Variants in CNST observed in about 807,000 individuals in gnomAD.
CNST encodes consortin, connexin sorting protein.
Under a neutral mutation model 72.4 loss-of-function variants are expected in CNST, and 39 were observed. That is an observed-to-expected ratio of 0.54 (90% confidence interval 0.42 to 0.70). The LOEUF is 0.70. Among genes scored for constraint, CNST ranks in the 30% least tolerant of loss-of-function variants. The probability of loss-of-function intolerance (pLI) is 0.00; values close to 1 mark genes in which losing one functional copy is unlikely to be tolerated. For missense variants in CNST, 871 were observed against 868.5 expected (o/e 1.00, Z -0.04); for synonymous variants, 332 against 320.1 (o/e 1.04, Z -0.40).
chr1:246,599,590 T>C (rs1308351827), intron 2 of CNST, among the ~76,000 whole-genome samples: 1 of 152,200 alleles, frequency 6.6e-6, no homozygotes, highest in African/African-American at 2.4e-5. Flanking sequence ...TCCACCCATA[T>C]ATTGCAGGAT....
At chr1:246,630,578 A>G (rs7518651) in intron 3 of CNST, among the ~76,000 whole-genome samples, 72,607 of 152,030 alleles carry the variant, frequency 0.48, 19,140 homozygotes, top group African/African-American at 0.69. Flanking sequence ...GTTTCCCCTG[A>G]GGGATTTGGG....
intron 6 of CNST, among the ~76,000 whole-genome samples, chr1:246,639,547 C>T (rs901659720): frequency 4.6e-5 from 7 of 151,954 alleles, no homozygotes; most frequent in African/African-American, 1.7e-4. Flanking sequence ...AGGGGAGACC[C>T]GATACCCCCA....
intron 2 of CNST, among the ~76,000 whole-genome samples, chr1:246,608,399 T>A (rs1322562414): frequency 6.6e-6 from 1 of 152,236 alleles, no homozygotes; most frequent in African/African-American, 2.4e-5. Context: ...CTTGGGCAAA[T>A]GTCTTACACA....
At chr1:246,633,190 C>T (rs1279632275) in intron 4 of CNST, among the ~76,000 whole-genome samples, 1 of 152,184 alleles carries the variant, frequency 6.6e-6, no homozygotes, top group African/African-American at 2.4e-5. Flanking sequence ...TGGCTCACAC[C>T]TGTAATCCCA....
At chr1:246,633,024 C>G (rs1284817668) in intron 4 of CNST, among the ~76,000 whole-genome samples, 1 of 152,218 alleles carries the variant, frequency 6.6e-6, no homozygotes, top group African/African-American at 2.4e-5. Flanking sequence ...CCTTAAATTA[C>G]TTTTAGTTGA....
intron 1 of CNST, among the ~76,000 whole-genome samples, chr1:246,570,975 T>G (rs1005930231): frequency 2.0e-5 from 3 of 152,234 alleles, no homozygotes; most frequent in African/African-American, 7.2e-5. Flanking sequence ...CCTTCAAGAT[T>G]CACATGAATA....
At position 246,584,365 on chromosome 1, in the gene CNST, G is replaced by A. The variant is rs1660998347; in HGVS notation, c.-51-7147G>A. On this transcript the variant is annotated intron_variant, in intron 1 of 10. Coordinates refer to ENST00000366513, the MANE Select transcript of CNST (RefSeq NM_152609.3). ...TTTTCTTTAAGTGAAGTAAACCAGG[G>A]GCAAGAGTTTCAAAAAATGCATTCA... 2.0e-5 allele frequency among the ~76,000 whole-genome samples: 3 copies of A among 152,058 alleles called. No homozygotes were observed. In the South Asian group the frequency reaches 6.2e-4, roughly 32 times the overall value.
chr1:246,621,721 G>T, intron 3 of CNST, 87 bp downstream of exon 3: 1 of 1,164,450 alleles, frequency 8.6e-7, no homozygotes. Flanking sequence ...TTGGCTGGGC[G>T]CAGTGGCTCA....
chr1:246,624,580 C>T (rs890356159), intron 3 of CNST, among the ~76,000 whole-genome samples: 1 of 152,304 alleles, frequency 6.6e-6, no homozygotes, highest in Non-Finnish European at 1.5e-5. Context: ...AAAGCTGAGA[C>T]GTCAGGGTGA....
chr1:246,640,722 G>A (rs1269393737), intron 6 of CNST, among the ~76,000 whole-genome samples: 1 of 152,154 alleles, frequency 6.6e-6, no homozygotes, highest in Non-Finnish European at 1.5e-5. Flanking sequence ...AGCTCATACA[G>A]CAGATAAAGA....
chr1:246,634,085 G>C, intron 5 of CNST, 75 bp downstream of exon 5: 1 of 958,088 alleles, frequency 1.0e-6, no homozygotes, highest in Non-Finnish European at 1.7e-6. Flanking sequence ...TAACATATTT[G>C]ACCTGGTTTT....
At chr1:246,645,489 G>A (rs1279991232) in intron 8 of CNST, among the ~76,000 whole-genome samples, 2 of 145,224 alleles carry the variant, frequency 1.4e-5, no homozygotes, top group Non-Finnish European at 3.0e-5. Context: ...GTGCAGTGGC[G>A]CAATCTCGGC....
intron 6 of CNST, among the ~76,000 whole-genome samples, chr1:246,639,273 G>A (rs1442071517): frequency 6.6e-6 from 1 of 152,154 alleles, no homozygotes; most frequent in Non-Finnish European, 1.5e-5. Context: ...GACGGAAAGG[G>A]TGGGTAATCG....
intron 9 of CNST, among the ~76,000 whole-genome samples, chr1:246,653,876 A>C (rs1037999588): frequency 1.3e-5 from 2 of 152,174 alleles, no homozygotes; most frequent in Non-Finnish European, 2.9e-5. Flanking sequence ...TCAAACTGGT[A>C]CCCAAGGAGC....
intron 1 of CNST, among the ~76,000 whole-genome samples, chr1:246,578,408 C>A (rs1473650530): frequency 6.6e-6 from 1 of 152,034 alleles, no homozygotes; most frequent in Non-Finnish European, 1.5e-5. Context: ...CGTGGTGGCT[C>A]ACGCCTGTAA....
At chr1:246,642,822 G>A (rs1665798362) in intron 8 of CNST, among the ~76,000 whole-genome samples, 1 of 32 alleles carries the variant, frequency 0.031, no homozygotes, top group Admixed American at 0.25. Context: ...TGATGATGGT[G>A]ATGATGGTGG....
At chr1:246,574,972 T>TTTTTTTTA (rs1553368201) in intron 1 of CNST, among the ~76,000 whole-genome samples, 22 of 143,654 alleles carry the variant, frequency 1.5e-4, no homozygotes, top group South Asian at 2.3e-4. Flanking sequence ...TCCTCAAGTA[T>TTTTTTTTA]TTTATTTATT....
At chr1:246,657,203 ACT>A (rs1414746378) in intron 9 of CNST, among the ~76,000 whole-genome samples, 1 of 151,484 alleles carries the variant, frequency 6.6e-6, no homozygotes, top group African/African-American at 2.4e-5. Context: ...TGCGCCCAAA[ACT>A]CTCGCAAAAA....
chr1:246,588,357 G>C (rs571109918), intron 1 of CNST, among the ~76,000 whole-genome samples: 16 of 152,124 alleles, frequency 1.1e-4, no homozygotes, highest in African/African-American at 3.4e-4. Flanking sequence ...GTGAATATGG[G>C]AAATAAGGAG....
Sources: allele counts gnomAD v4.1 joint callset (sites outside exome capture counted in the v4.1 genomes callset), GRCh38; gene constraint gnomAD v4.1.1; transcripts MANE v1.5; gene names NCBI Gene and HGNC (gene_info 2026-07-23, HGNC 2026-07-21).